The following MGAT5 variants were observed in gnomAD, a reference collection of about 807,000 sequenced individuals.
MGAT5 encodes alpha-1,6-mannosylglycoprotein 6-beta-N-acetylglucosaminyltransferase.
A neutral mutation model predicts 94.3 loss-of-function variants in MGAT5; 30 were observed. That is an observed-to-expected ratio of 0.32 (90% CI 0.24 to 0.43). The LOEUF (loss-of-function observed/expected upper bound fraction) is 0.43, where lower values mean the gene tolerates loss of function less well. Among genes scored for constraint, MGAT5 ranks in the 20% least tolerant of loss-of-function variants. MGAT5 has a pLI of 1.00. For missense variants in MGAT5, 691 were observed against 905.5 expected (o/e 0.76, Z 3.04); for synonymous variants, 310 against 322.9 (o/e 0.96, Z 0.43).
chr2:134,240,783 T>C (rs1681934012), intron 1 of MGAT5, among the ~76,000 whole-genome samples: 1 of 152,238 alleles, frequency 6.6e-6, no homozygotes, highest in Non-Finnish European at 1.5e-5. Flanking sequence ...TTATGACTGT[T>C]ATAGTCATTT....
In MGAT5 at chr2:134,165,146, T is replaced by C. The variant is rs142985218; in HGVS notation, c.-143+44855T>C. ...AAATATGGCTAGAGCATCTGAGGAA[T>C]GAAATCTTAAAATTTTCTTTAGGTT... On this transcript the variant is annotated intron_variant, in intron 1 of 16. Coordinates refer to the MGAT5 transcript ENST00000409645. 1.1e-3 allele frequency among the ~76,000 whole-genome samples: 170 copies of C among 152,322 alleles called. 1 individual carries two copies. Among genetic ancestry groups the C allele is most frequent in the Middle Eastern group, 3.4e-3 (1 of 294 alleles).
chr2:134,403,104 A>G lies in MGAT5; in HGVS notation c.1497A>G (p.Gly499=), dbSNP rs761983879. ...TGAAAAACCATGGTATCCTCAGTGG[A>G]CGGGACCTGCAGTTCCTTCTTCGAG... is the stretch of plus-strand genomic sequence containing the variant. ...SYVKNHGILS[G]RDLQFLLRET... Residue 499 remains glycine (G), a synonymous_variant, in exon 11 of 16, where the codon GGA becomes GGG. Transcript: ENST00000281923. The G allele has an allele frequency of 2.5e-5, 40 of 1,609,556 alleles. No individual in the cohort carries two copies. The highest frequency in any genetic ancestry group is 5.2e-5 in the Admixed American group (3 of 58,248).
At chr2:134,299,282 T>C (rs11677171) in intron 2 of MGAT5, among the ~76,000 whole-genome samples, 15,909 of 152,212 alleles carry the variant, frequency 0.1, 932 homozygotes, top group South Asian at 0.25. Flanking sequence ...AAATTCCAAT[T>C]AGAGGATGGT....
At chr2:134,133,213 A>G (rs541124821) in intron 1 of MGAT5, among the ~76,000 whole-genome samples, 4 of 152,378 alleles carry the variant, frequency 2.6e-5, no homozygotes, top group African/African-American at 9.6e-5. Flanking sequence ...TCTGAGCAGA[A>G]TAAAATTTAG....
At chr2:134,279,303 G>C (rs928371323) in intron 2 of MGAT5, among the ~76,000 whole-genome samples, 1 of 152,032 alleles carries the variant, frequency 6.6e-6, no homozygotes, top group Non-Finnish European at 1.5e-5. Context: ...GTTAAGACCG[G>C]AAGAGCCTTT....
intron 14 of MGAT5, among the ~76,000 whole-genome samples, chr2:134,431,320 T>C (rs2106387721): frequency 6.6e-6 from 1 of 152,246 alleles, no homozygotes; most frequent in South Asian, 2.1e-4. Context: ...GAATCTTGTG[T>C]TAGGGGCATT....
intron 1 of MGAT5, among the ~76,000 whole-genome samples, chr2:134,124,200 C>A (rs1486804995): frequency 6.6e-6 from 1 of 152,178 alleles, no homozygotes; most frequent in African/African-American, 2.4e-5. Context: ...ACTAATAGCT[C>A]TTGGAAAGCT....
At chr2:134,385,266 TTC>T (rs1266483801) in intron 10 of MGAT5, among the ~76,000 whole-genome samples, 5 of 152,212 alleles carry the variant, frequency 3.3e-5, no homozygotes, top group Admixed American at 6.5e-5. Flanking sequence ...CCCACTGTAC[TTC>T]TTTCTTCATT....
intron 1 of MGAT5, among the ~76,000 whole-genome samples, chr2:134,214,238 C>T (rs984738572): frequency 2.0e-5 from 3 of 151,384 alleles, no homozygotes; most frequent in African/African-American, 7.3e-5. Flanking sequence ...AGCTCTATAG[C>T]TAGCTTGTCC....
intron 1 of MGAT5, among the ~76,000 whole-genome samples, chr2:134,178,493 C>T (rs946045532): frequency 3.9e-5 from 6 of 152,134 alleles, no homozygotes; most frequent in African/African-American, 1.4e-4. Context: ...GACCCAGGCA[C>T]CTTCCCCTCC....
At chr2:134,126,281 A>G (rs115989977) in intron 1 of MGAT5, among the ~76,000 whole-genome samples, 3,144 of 152,332 alleles carry the variant, frequency 0.021, 104 homozygotes, top group African/African-American at 0.069. Flanking sequence ...AGAAGAGTTA[A>G]GTTCAGTGAT....
intron 10 of MGAT5, among the ~76,000 whole-genome samples, chr2:134,382,403 G>C (rs190263859): frequency 1.4e-4 from 21 of 152,278 alleles, no homozygotes; most frequent in African/African-American, 4.6e-4. Context: ...TGTCGAAATA[G>C]GAAGACTGAG....
At chr2:134,246,450 T>G (rs189740348) in intron 1 of MGAT5, among the ~76,000 whole-genome samples, 90 of 152,350 alleles carry the variant, frequency 5.9e-4, no homozygotes. Flanking sequence ...CTGCTTTGCC[T>G]GTCCCTTCTC....
intron 12 of MGAT5, among the ~76,000 whole-genome samples, chr2:134,422,504 G>C (rs1684356824): frequency 6.6e-6 from 1 of 152,186 alleles, no homozygotes; most frequent in South Asian, 2.1e-4. Flanking sequence ...TCGGGGCTGG[G>C]TTCTGGGTAG....
In MGAT5 at chr2:134,156,769, G is replaced by A. The variant is rs181367396; in HGVS notation, c.-143+36478G>A. On this transcript the variant is annotated intron_variant, in intron 1 of 16. Transcript: ENST00000409645. ...CCTCCCTCCACATCACAGCCTTCAC[G>A]ACATTCCTCATGGGTTTCAGGGGCT... Among the ~76,000 whole-genome samples the A allele has an allele frequency of 3.5e-3, 537 of 152,224 alleles. 4 individuals carry two copies. The highest frequency in any genetic ancestry group is 0.022 in the South Asian group (104 of 4,820).
At position 134,181,477 on chromosome 2, in the gene MGAT5, C is replaced by A. The variant is rs145844767; in HGVS notation, c.-143+61186C>A. Among the ~76,000 whole-genome samples the A allele has an allele frequency of 2.1e-4, 32 of 152,260 alleles. 3 individuals carry two copies. The highest frequency in any genetic ancestry group is 7.7e-4 in the African/African-American group (32 of 41,544). On this transcript the variant is annotated intron_variant, in intron 1 of 16. Coordinates refer to the MGAT5 transcript ENST00000409645. ...GGTGGGGCAACGGAAAAGGTCCTCCCCAGGTGCAGCTGTTGTGAGGGGACA... is the reference window on the plus strand; with the variant it reads ...GGTGGGGCAACGGAAAAGGTCCTCCACAGGTGCAGCTGTTGTGAGGGGACA...
At chr2:134,414,437 C>G (rs1683853042) in intron 12 of MGAT5, among the ~76,000 whole-genome samples, 1 of 152,142 alleles carries the variant, frequency 6.6e-6, no homozygotes, top group Non-Finnish European at 1.5e-5. Flanking sequence ...TTCTTTGAAA[C>G]TTTGGAGTTT....
At chr2:134,313,625 G>A (rs1252860654) in intron 2 of MGAT5, among the ~76,000 whole-genome samples, 2 of 152,102 alleles carry the variant, frequency 1.3e-5, no homozygotes, top group African/African-American at 4.8e-5. Flanking sequence ...AAAAAAAATG[G>A]CATGGGGAAA....
chr2:134,245,878 G>A (rs1044536554), intron 1 of MGAT5, among the ~76,000 whole-genome samples: 1 of 152,168 alleles, frequency 6.6e-6, no homozygotes, highest in Non-Finnish European at 1.5e-5. Context: ...AGACAAATAT[G>A]CACTTCAGGT....
Sources: allele counts gnomAD v4.1 joint callset (sites outside exome capture counted in the v4.1 genomes callset), GRCh38; gene constraint gnomAD v4.1.1; transcripts MANE v1.5; gene names NCBI Gene and HGNC (gene_info 2026-07-23, HGNC 2026-07-21).